Variants in CRACD observed in about 807,000 individuals in gnomAD.
The protein encoded by CRACD is capping protein-inhibiting regulator of actin dynamics.
In CRACD, 56 loss-of-function variants were observed where a neutral mutation model predicts 106.8. That is an observed-to-expected ratio of 0.52 (90% CI 0.42 to 0.66). The LOEUF (loss-of-function observed/expected upper bound fraction) is 0.66, where lower values mean the gene tolerates loss of function less well. CRACD is among the 30% of genes least tolerant of loss of function. The pLI, the probability that CRACD is intolerant of heterozygous loss-of-function variation, is 0.00. For missense variants in CRACD, 1,730 were observed against 1,623.2 expected (o/e 1.07, Z -1.13); for synonymous variants, 754 against 670.8 (o/e 1.12, Z -1.92).
At chr4:56,279,453 A>G (rs1223357866) in intron 3 of CRACD, among the ~76,000 whole-genome samples, 1 of 152,204 alleles carries the variant, frequency 6.6e-6, no homozygotes, top group Non-Finnish European at 1.5e-5. Flanking sequence ...ATTTACAAGA[A>G]AAAAACAACC....
chr4:56,178,600 C>T (rs1432004347), intron 1 of CRACD, among the ~76,000 whole-genome samples: 1 of 152,210 alleles, frequency 6.6e-6, no homozygotes, highest in Admixed American at 6.5e-5. Context: ...TAAGCCCATA[C>T]AAGCCAACCC....
chr4:56,282,172 G>A (rs1050066944), intron 3 of CRACD, among the ~76,000 whole-genome samples: 1 of 152,132 alleles, frequency 6.6e-6, no homozygotes, highest in African/African-American at 2.4e-5. Flanking sequence ...TGCCCCTGTT[G>A]TCATGGAAAC....
chr4:56,070,847 CTG>C lies in CRACD; in HGVS notation c.-336+21590_-336+21591del, dbSNP rs60372588. Reference sequence around the variant, plus strand: ...TACTGCAGGAATGCCAGGGGCTATGCTGTGTGTGTGTGTGTGTGTGTGTGTGT... The same window carrying C: ...TACTGCAGGAATGCCAGGGGCTATGCTGTGTGTGTGTGTGTGTGTGTGTGT... On this transcript the variant is annotated intron_variant, in intron 1 of 10. Transcript: ENST00000682029. Among the ~76,000 whole-genome samples, 223 of 120,422 alleles carry C rather than the reference CTG, an allele frequency of 1.9e-3. 4 individuals carry two copies. Among genetic ancestry groups the C allele is most frequent in the African/African-American group, 3.8e-3 (117 of 30,884 alleles). The allele number at this position is 120,422 out of a possible 152,430, so 79.0% of individuals were successfully genotyped here.
chr4:56,302,842 T>C (rs754666464), intron 4 of CRACD, among the ~76,000 whole-genome samples: 10 of 152,206 alleles, frequency 6.6e-5, no homozygotes, highest in Non-Finnish European at 1.5e-4. Context: ...ATAAGCCTTA[T>C]AAATATGGAT....
chr4:56,213,042 T>C (rs1391915471), intron 2 of CRACD, among the ~76,000 whole-genome samples: 2 of 152,336 alleles, frequency 1.3e-5, no homozygotes, highest in Non-Finnish European at 2.9e-5. Flanking sequence ...ACCATGGGCC[T>C]AGCAGGTAGC....
chr4:56,145,394 A>G (rs1026250379), intron 1 of CRACD, among the ~76,000 whole-genome samples: 2 of 152,162 alleles, frequency 1.3e-5, no homozygotes, highest in African/African-American at 4.8e-5. Context: ...AGAGTCTTTA[A>G]TAAACTAATA....
rs990241381 is a variant in CRACD, at chr4:56,236,827, A to G, written c.-188-35494A>G. On this transcript the variant is annotated intron_variant, in intron 2 of 10. Transcript: ENST00000682029. ...GAAAAAAATATATTTGCAACGTATTACAAATGTTTATATTTTAAATATGTT... is the reference window on the plus strand; with the variant it reads ...GAAAAAAATATATTTGCAACGTATTGCAAATGTTTATATTTTAAATATGTT... Among the ~76,000 whole-genome samples, 4 of 152,216 alleles carry G rather than the reference A, an allele frequency of 2.6e-5. No homozygotes were observed. In the East Asian group the frequency reaches 7.7e-4, roughly 29 times the overall value.
chr4:56,227,272 G>C (rs1739352307), intron 2 of CRACD, among the ~76,000 whole-genome samples: 2 of 152,094 alleles, frequency 1.3e-5, no homozygotes, highest in African/African-American at 4.8e-5. Flanking sequence ...TTTTCTGCTT[G>C]TAACATTTCT....
intron 1 of CRACD, among the ~76,000 whole-genome samples, chr4:56,172,022 T>C (rs1341387470): frequency 2.5e-5 from 3 of 119,068 alleles, no homozygotes; most frequent in Non-Finnish European, 5.3e-5. Context: ...GGGTTTCTCT[T>C]TTTTTTTTTT....
intron 2 of CRACD, among the ~76,000 whole-genome samples, chr4:56,243,284 T>A (rs990045952): frequency 3.9e-5 from 6 of 152,178 alleles, no homozygotes; most frequent in Admixed American, 6.5e-5. Context: ...GCCTCAAACA[T>A]AGATCAAGAT....
chr4:56,121,387 C>T (rs1332700170), intron 1 of CRACD, among the ~76,000 whole-genome samples: 1 of 152,122 alleles, frequency 6.6e-6, no homozygotes, highest in Non-Finnish European at 1.5e-5. Context: ...CTTCCTATCA[C>T]AATACTGAGC....
chr4:56,208,350 G>C (rs1425549580), intron 2 of CRACD, among the ~76,000 whole-genome samples: 1 of 152,174 alleles, frequency 6.6e-6, no homozygotes, highest in Non-Finnish European at 1.5e-5. Flanking sequence ...ATTCTCAGAA[G>C]ACCCAATCTC....
intron 1 of CRACD, among the ~76,000 whole-genome samples, chr4:56,145,243 T>G (rs552443308): frequency 1.3e-5 from 2 of 152,244 alleles, no homozygotes; most frequent in Non-Finnish European, 2.9e-5. Flanking sequence ...ACACCAGAGA[T>G]GTACTCACGT....
At chr4:56,172,494 C>T (rs1218484508) in intron 1 of CRACD, among the ~76,000 whole-genome samples, 1 of 152,164 alleles carries the variant, frequency 6.6e-6, no homozygotes, top group East Asian at 1.9e-4. Context: ...CAGAGTTTCG[C>T]TCTTGTTGCC....
intron 3 of CRACD, among the ~76,000 whole-genome samples, chr4:56,279,459 C>A (rs549493001): frequency 6.6e-6 from 1 of 152,272 alleles, no homozygotes; most frequent in Admixed American, 6.5e-5. Context: ...AAGAAAAAAA[C>A]AACCCCATCA....
chr4:56,069,091 G>A (rs1011507034), intron 1 of CRACD, among the ~76,000 whole-genome samples: 1 of 152,146 alleles, frequency 6.6e-6, no homozygotes, highest in Admixed American at 6.5e-5. Context: ...CAGGAGCCGC[G>A]GGATGTGGAA....
chr4:56,073,196 G>T (rs945301009), intron 1 of CRACD, among the ~76,000 whole-genome samples: 4 of 152,180 alleles, frequency 2.6e-5, no homozygotes, highest in African/African-American at 9.7e-5. Context: ...CTTCCACAAT[G>T]ATTGAACTAG....
At chr4:56,185,428 C>G (rs1050510247) in intron 2 of CRACD, among the ~76,000 whole-genome samples, 2 of 152,090 alleles carry the variant, frequency 1.3e-5, no homozygotes, top group Non-Finnish European at 2.9e-5. Context: ...ATGAATTTAC[C>G]GTTTCTAGAT....
Position 56,327,912 on chromosome 4 carries a change from A to G in CRACD, c.*108A>G, listed in dbSNP as rs981455363. On this transcript the variant is annotated 3_prime_UTR_variant, in exon 11 of 11. Coordinates refer to ENST00000682029, the MANE Select transcript of CRACD (RefSeq NM_001393381.1). ...AGAAATCAAGCTAGGGAAAAGAAGCATGTTTTATAGGCTCCAAAATAATGT... is the reference window on the plus strand; with the variant it reads ...AGAAATCAAGCTAGGGAAAAGAAGCGTGTTTTATAGGCTCCAAAATAATGT... The G allele has an allele frequency of 1.0e-6, 1 of 987,384 alleles. No homozygotes were observed. Among genetic ancestry groups the G allele is most frequent in the Non-Finnish European group, 1.5e-6 (1 of 672,992 alleles). 61.2% of individuals were successfully genotyped at this position (987,384 alleles called of 1,614,324 possible). A position where few individuals can be genotyped will look rare whatever the true frequency, so the allele number is the denominator to read the frequency against.
Sources: gnomAD v4.1 joint callset for allele counts (sites outside exome capture counted in the v4.1 genomes callset) on GRCh38, gnomAD v4.1.1 for gene constraint, MANE v1.5 for transcripts, NCBI Gene and HGNC (gene_info 2026-07-23, HGNC 2026-07-21) for gene names.